Variants in NOVA2 observed in about 807,000 individuals in gnomAD.
NOVA2 encodes the protein RNA-binding protein Nova-2.
In NOVA2, 9 loss-of-function variants were observed where a neutral mutation model predicts 22.5. The ratio of observed to expected loss-of-function variants is 0.40; its 90% CI spans 0.24 to 0.70. The LOEUF (loss-of-function observed/expected upper bound fraction) is 0.70, where lower values mean the gene tolerates loss of function less well. Ranked by LOEUF, NOVA2 falls within the 30% of genes least tolerant of loss-of-function variation. The pLI, the probability that NOVA2 is intolerant of heterozygous loss-of-function variation, is 0.38. For missense variants in NOVA2, 383 were observed against 682.8 expected, an observed-to-expected ratio of 0.56 and a Z score of 4.89; for synonymous variants, 318 against 335.2, an observed-to-expected ratio of 0.95 and a Z score of 0.56.
chr19:45,946,256 G>A (rs985837688), intron 3 of NOVA2, among the ~76,000 whole-genome samples: 3 of 152,046 alleles, frequency 2.0e-5, no homozygotes, highest in African/African-American at 7.2e-5. Context: ...GAGCCAAAAT[G>A]GCATCACTAC....
At chr19:45,941,607 A>C (rs1967759745) in intron 3 of NOVA2, among the ~76,000 whole-genome samples, 2 of 151,578 alleles carry the variant, frequency 1.3e-5, no homozygotes, top group Admixed American at 6.6e-5. Context: ...AAATATTGAA[A>C]TATTTCAGGT....
intron 2 of NOVA2, among the ~76,000 whole-genome samples, chr19:45,959,331 C>T (rs564530541): frequency 6.6e-6 from 1 of 152,236 alleles, no homozygotes; most frequent in South Asian, 2.1e-4. Flanking sequence ...ACCACATGTC[C>T]AGGGGCTGAG....
chr19:45,959,276 C>T (rs1290028741), intron 2 of NOVA2, among the ~76,000 whole-genome samples: 2 of 151,908 alleles, frequency 1.3e-5, no homozygotes, highest in Non-Finnish European at 2.9e-5. Flanking sequence ...CCGGCTCATG[C>T]TGTATGATCT....
intron 3 of NOVA2, among the ~76,000 whole-genome samples, chr19:45,946,067 C>T (rs753611709): frequency 6.7e-6 from 1 of 149,534 alleles, no homozygotes; most frequent in African/African-American, 2.5e-5. Flanking sequence ...CACTTTGGGA[C>T]GCTGAGGTGG....
chr19:45,953,188 C>T (rs963636093), intron 3 of NOVA2, among the ~76,000 whole-genome samples: 1 of 152,188 alleles, frequency 6.6e-6, no homozygotes, highest in Non-Finnish European at 1.5e-5. Flanking sequence ...AGCGATTGGC[C>T]ACTCCCTGCC....
At chr19:45,953,332 C>T (rs954556694) in intron 3 of NOVA2, among the ~76,000 whole-genome samples, 2 of 152,164 alleles carry the variant, frequency 1.3e-5, no homozygotes, top group African/African-American at 4.8e-5. Flanking sequence ...ACCACCTCTA[C>T]CCCCATACGT....
At chr19:45,969,648 A>G (rs1336442282) in intron 1 of NOVA2, among the ~76,000 whole-genome samples, 1 of 151,744 alleles carries the variant, frequency 6.6e-6, no homozygotes, top group African/African-American at 2.4e-5. Context: ...AGAGGTGGGA[A>G]TATAGTCAGG....
rs921166050 is a variant in NOVA2 at position 45,936,121 on chromosome 19, TG to T, written c.*3741del. The T allele has an allele frequency of 2.6e-5, 4 of 152,186 alleles. No homozygotes were observed. Among genetic ancestry groups the T allele is most frequent in the African/African-American group, 9.7e-5 (4 of 41,412 alleles). The allele number at this position is 152,186 out of a possible 1,614,324, so 9.4% of individuals were successfully genotyped here. On this transcript the variant is annotated 3_prime_UTR_variant, in exon 4 of 4. Coordinates refer to ENST00000263257, the MANE Select transcript of NOVA2 (RefSeq NM_002516.4). ...CAGGTTGGCTCAGAGCCCCCTGAGA[TG>T]GGGGATGAAGGAGGTTAATTTGGCA... is the stretch of plus-strand genomic sequence containing the variant.
intron 3 of NOVA2, among the ~76,000 whole-genome samples, chr19:45,941,309 AAT>A (rs4039577): frequency 0.47 from 61,373 of 129,622 alleles, 13,917 homozygotes; most frequent in Non-Finnish European, 0.56. Flanking sequence ...AAAATAAAAT[AAT>A]ATATATATAT....
intron 3 of NOVA2, among the ~76,000 whole-genome samples, chr19:45,948,943 A>G (rs1043807740): frequency 6.6e-6 from 1 of 152,354 alleles, no homozygotes; most frequent in South Asian, 2.1e-4. Flanking sequence ...ATGAAACATT[A>G]TTTGTCTATA....
rs1047213034 is a variant in NOVA2 at position 45,953,768 on chromosome 19, G to A, written c.396+12C>T. Reference sequence around the variant, plus strand: ...ACAGCTTTACAGCAACCCAGTCTCTGCCCCAGCTGACCTGCTTGGCTCTGT... The same window carrying A: ...ACAGCTTTACAGCAACCCAGTCTCTACCCCAGCTGACCTGCTTGGCTCTGT... On this transcript the variant is annotated intron_variant, in intron 3 of 3. Coordinates refer to ENST00000263257, the MANE Select transcript of NOVA2 (RefSeq NM_002516.4). The A allele has an allele frequency of 1.9e-6, 3 of 1,613,956 alleles. No individual in the cohort carries two copies. The highest frequency in any genetic ancestry group is 1.7e-6 in the Non-Finnish European group (2 of 1,179,954).
intron 3 of NOVA2, among the ~76,000 whole-genome samples, chr19:45,947,484 T>G (rs4803873): frequency 4.8e-5 from 7 of 145,020 alleles, no homozygotes; most frequent in Admixed American, 4.1e-4. Context: ...TTTTTTTTTC[T>G]TTTTTTTGAG....
Position 45,973,512 on chromosome 19 carries a change from C to T in NOVA2, c.-161G>A. 8.7e-6 allele frequency: 1 copy of T among 115,378 alleles called. No homozygotes were observed. Among genetic ancestry groups the T allele is most frequent in the Non-Finnish European group, 1.8e-5 (1 of 54,346 alleles). 7.1% of individuals were successfully genotyped at this position (115,378 alleles called of 1,614,324 possible). ...CGGGGCCGCGGAGGCCGTGAAGAGG[C>T]CGTGCACCGCGCCGGCGGCCATCAT... is the stretch of plus-strand genomic sequence containing the variant. On this transcript the variant is annotated 5_prime_UTR_variant, in exon 1 of 4. Coordinates refer to ENST00000263257, the MANE Select transcript of NOVA2 (RefSeq NM_002516.4).
intron 3 of NOVA2, among the ~76,000 whole-genome samples, chr19:45,950,136 C>T (rs1209840967): frequency 1.3e-5 from 2 of 151,468 alleles, no homozygotes; most frequent in Non-Finnish European, 2.9e-5. Flanking sequence ...CATAACCACA[C>T]CTACCCTATA....
intron 2 of NOVA2, among the ~76,000 whole-genome samples, chr19:45,954,855 GGTGTGTGTGT>G (rs10598680): frequency 2.1e-3 from 306 of 144,790 alleles, no homozygotes; most frequent in African/African-American, 4.5e-3. Flanking sequence ...GCTGGTGAGT[GGTGTGTGTGT>G]GTGTGTGTGT....
chr19:45,941,148 G>T (rs1568661047), intron 3 of NOVA2, among the ~76,000 whole-genome samples: 1 of 151,826 alleles, frequency 6.6e-6, no homozygotes, highest in African/African-American at 2.4e-5. Flanking sequence ...AAATTAGCCA[G>T]CTGTGTGTTG....
intron 3 of NOVA2, among the ~76,000 whole-genome samples, chr19:45,952,724 G>A (rs997195919): frequency 6.6e-6 from 1 of 152,190 alleles, no homozygotes; most frequent in Non-Finnish European, 1.5e-5. Flanking sequence ...GGCGGGGAGC[G>A]AGGAGCTTCA....
chr19:45,941,523 C>G (rs768964227), intron 3 of NOVA2, among the ~76,000 whole-genome samples: 12 of 151,946 alleles, frequency 7.9e-5, no homozygotes, highest in Non-Finnish European at 1.3e-4. Context: ...TTCCCTACCC[C>G]TCCTCTCCAG....
intron 3 of NOVA2, among the ~76,000 whole-genome samples, chr19:45,946,575 TAA>T (rs559717663): frequency 1.3e-5 from 2 of 151,626 alleles, no homozygotes; most frequent in African/African-American, 4.8e-5. Context: ...TACTTAGGAG[TAA>T]AGAGTCATGA....
Sources: allele counts gnomAD v4.1 joint callset (sites outside exome capture counted in the v4.1 genomes callset), GRCh38; gene constraint gnomAD v4.1.1; transcripts MANE v1.5; gene names NCBI Gene and HGNC (gene_info 2026-07-23, HGNC 2026-07-21).